Variants in GLRA3 observed in about 807,000 individuals in gnomAD.
GLRA3 encodes glycine receptor subunit alpha-3.
GLRA3 carries 44 observed loss-of-function variants against 60.4 expected under a neutral mutation model. The ratio of observed to expected loss-of-function variants is 0.73; its 90% CI spans 0.57 to 0.94. The LOEUF is 0.94. Among genes scored for constraint, GLRA3 ranks in the 40% least tolerant of loss-of-function variants. GLRA3 has a pLI of 0.00. For missense variants in GLRA3, 508 were observed against 564.6 expected, an observed-to-expected ratio of 0.90 and a Z score of 1.02; for synonymous variants, 223 against 192.9, an observed-to-expected ratio of 1.16 and a Z score of -1.29.
intron 9 of GLRA3, among the ~76,000 whole-genome samples, chr4:174,649,883 A>G (rs182239172): frequency 1.3e-5 from 2 of 152,290 alleles, no homozygotes; most frequent in East Asian, 1.9e-4. Context: ...GGTGGACACA[A>G]TTATAATCTT....
At position 174,639,229 on chromosome 4, in the gene GLRA3, C is replaced by T. The variant is rs1010743306; in HGVS notation, c.*4557G>A. ...TTGCATGATTAAGAGCTGGCCAAAT[C>T]GAATGACTGCATGGTTCATATTTTC... On this transcript the variant is annotated 3_prime_UTR_variant, in exon 10 of 10. Coordinates refer to ENST00000274093, the MANE Select transcript of GLRA3 (RefSeq NM_006529.4). 1.3e-5 allele frequency: 2 copies of T among 152,102 alleles called. No individual in the cohort carries two copies. Among genetic ancestry groups the T allele is most frequent in the Admixed American group, 6.5e-5 (1 of 15,268 alleles). 9.4% of individuals were successfully genotyped at this position (152,102 alleles called of 1,614,324 possible).
chr4:174,812,611 G>A (rs1435286946), intron 1 of GLRA3, among the ~76,000 whole-genome samples: 1 of 152,052 alleles, frequency 6.6e-6, no homozygotes, highest in African/African-American at 2.4e-5. Flanking sequence ...GGTAAATATA[G>A]CACTAGGAAT....
intron 8 of GLRA3, among the ~76,000 whole-genome samples, chr4:174,657,264 A>G (rs1001283619): frequency 1.3e-4 from 20 of 152,170 alleles, no homozygotes; most frequent in African/African-American, 4.8e-4. Flanking sequence ...GTTGTCTAAT[A>G]CTTTTTCTAC....
chr4:174,694,050 A>T (rs1303216533), intron 5 of GLRA3, among the ~76,000 whole-genome samples: 1 of 134,820 alleles, frequency 7.4e-6, no homozygotes, highest in East Asian at 1.9e-4. Context: ...TCCTAAATAT[A>T]TATGCACCTA....
At chr4:174,815,090 C>A (rs1265182285) in intron 1 of GLRA3, among the ~76,000 whole-genome samples, 1 of 152,144 alleles carries the variant, frequency 6.6e-6, no homozygotes, top group Non-Finnish European at 1.5e-5. Flanking sequence ...ACAGCCATTC[C>A]AAATGGAAGA....
At chr4:174,778,946 G>A (rs1037654964) in intron 2 of GLRA3, among the ~76,000 whole-genome samples, 47 of 152,344 alleles carry the variant, frequency 3.1e-4, no homozygotes, top group African/African-American at 9.9e-4. Context: ...CAGCCGGGAA[G>A]CTCCAACTGG....
At chr4:174,713,976 A>C (rs1290025893) in intron 5 of GLRA3, among the ~76,000 whole-genome samples, 1 of 152,170 alleles carries the variant, frequency 6.6e-6, no homozygotes, top group African/African-American at 2.4e-5. Flanking sequence ...CAATGCTTCT[A>C]ATCTGATCCG....
At chr4:174,827,350 C>G (rs1741017679) in intron 1 of GLRA3, among the ~76,000 whole-genome samples, 1 of 151,534 alleles carries the variant, frequency 6.6e-6, no homozygotes, top group South Asian at 2.1e-4. Flanking sequence ...TAGTTTCTGA[C>G]TTTAGCTTCC....
intron 2 of GLRA3, among the ~76,000 whole-genome samples, chr4:174,781,800 C>A (rs1384193827): frequency 2.0e-5 from 3 of 152,138 alleles, no homozygotes; most frequent in East Asian, 1.9e-4. Flanking sequence ...CAATAACATG[C>A]TCTGCAATTG....
At chr4:174,732,813 G>GTA (rs2111146671) in intron 3 of GLRA3, among the ~76,000 whole-genome samples, 1 of 151,922 alleles carries the variant, frequency 6.6e-6, no homozygotes, top group African/African-American at 2.4e-5. Context: ...GTATGTATGT[G>GTA]TGTATGTATG....
intron 2 of GLRA3, among the ~76,000 whole-genome samples, chr4:174,771,455 T>A (rs1018069847): frequency 2.0e-5 from 3 of 152,110 alleles, no homozygotes; most frequent in African/African-American, 7.2e-5. Flanking sequence ...TTTTCTTTTT[T>A]TTTTTCTTGG....
At chr4:174,759,467 C>T (rs887955820) in intron 3 of GLRA3, among the ~76,000 whole-genome samples, 1 of 151,994 alleles carries the variant, frequency 6.6e-6, no homozygotes, top group Non-Finnish European at 1.5e-5. Flanking sequence ...AGTGATGCAT[C>T]GTATTCATGG....
At chr4:174,783,207 A>C (rs946379328) in intron 2 of GLRA3, among the ~76,000 whole-genome samples, 3 of 151,308 alleles carry the variant, frequency 2.0e-5, no homozygotes, top group African/African-American at 7.3e-5. Flanking sequence ...TGAGAAAAAC[A>C]AACAATGGGG....
chr4:174,685,298 C>T (rs989098549), intron 5 of GLRA3, among the ~76,000 whole-genome samples: 2 of 152,144 alleles, frequency 1.3e-5, no homozygotes, highest in Non-Finnish European at 2.9e-5. Context: ...GAGCCAGATG[C>T]CCTACCACAC....
chr4:174,660,367 G>T (rs150315427), intron 7 of GLRA3, among the ~76,000 whole-genome samples: 67 of 151,970 alleles, frequency 4.4e-4, no homozygotes, highest in African/African-American at 1.5e-3. Context: ...CTTTTTTGTG[G>T]CATTGTTACT....
chr4:174,809,627 G>A (rs1397514540), intron 1 of GLRA3, among the ~76,000 whole-genome samples: 1 of 152,108 alleles, frequency 6.6e-6, no homozygotes, highest in Non-Finnish European at 1.5e-5. Flanking sequence ...CAGCTACTTG[G>A]GAGGCTGAGG....
rs1732541709 is a variant in GLRA3, at chr4:174,638,090, T to C, written c.*5696A>G. ...TAAACTTACTTGGTATTTTAGGAAG[T>C]AAAAGTCATTTCTTGATGAAGATTA... On this transcript the variant is annotated 3_prime_UTR_variant, in exon 10 of 10. Coordinates refer to ENST00000274093, the MANE Select transcript of GLRA3 (RefSeq NM_006529.4). The C allele has an allele frequency of 6.6e-6, 1 of 151,640 alleles. No individual in the cohort carries two copies. The highest frequency in any genetic ancestry group is 2.4e-5 in the African/African-American group (1 of 40,968). The allele number at this position is 151,640 out of a possible 1,614,324, so 9.4% of individuals were successfully genotyped here.
At chr4:174,719,708 A>AG (rs1413218395) in intron 4 of GLRA3, among the ~76,000 whole-genome samples, 2 of 147,426 alleles carry the variant, frequency 1.4e-5, no homozygotes, top group East Asian at 5.7e-4. Flanking sequence ...ATCTGATCAT[A>AG]GAGACAATCA....
rs145275117 is a variant in GLRA3 at position 174,795,274 on chromosome 4, A to G, written c.72-6331T>C. ...GAAGTATTTCATCTGGTAGCAGAAA[A>G]TCTACTAAAATTATCTGCTTTCTCT... On this transcript the variant is annotated intron_variant, in intron 1 of 9. Transcript: ENST00000274093. Among the ~76,000 whole-genome samples, 1,149 of 152,170 alleles carry G rather than the reference A, an allele frequency of 7.6e-3. 16 individuals are homozygous for G. Among genetic ancestry groups the G allele is most frequent in the African/African-American group, 0.027 (1,114 of 41,568 alleles).
Sources: allele counts gnomAD v4.1 joint callset (sites outside exome capture counted in the v4.1 genomes callset), GRCh38; gene constraint gnomAD v4.1.1; transcripts MANE v1.5; gene names NCBI Gene and HGNC (gene_info 2026-07-23, HGNC 2026-07-21).